CNOT2: variants seen among roughly 807,000 people sequenced by gnomAD.
CNOT2 encodes the protein CCR4-NOT transcription complex subunit 2, also known as CC chemokine receptor 4-negative regulator of transcription 2.
In CNOT2, 7 loss-of-function variants were observed where a neutral mutation model predicts 72.1. The ratio of observed to expected loss-of-function variants is 0.10; its 90% CI spans 0.06 to 0.18. The LOEUF (loss-of-function observed/expected upper bound fraction) is 0.18, where lower values mean the gene tolerates loss of function less well. Ranked by LOEUF, CNOT2 falls within the 10% of genes least tolerant of loss-of-function variation. The pLI is 1.00. For missense variants in CNOT2, 345 were observed against 660.3 expected, an observed-to-expected ratio of 0.52 and a Z score of 5.23; for synonymous variants, 196 against 225.6, an observed-to-expected ratio of 0.87 and a Z score of 1.17.
intron 2 of CNOT2, among the ~76,000 whole-genome samples, chr12:70,300,829 A>G (rs1873804873): frequency 1.3e-5 from 2 of 152,038 alleles, no homozygotes; most frequent in Non-Finnish European, 2.9e-5. Flanking sequence ...CATTTTCACG[A>G]TATTGATTCT....
chr12:70,295,950 A>G (rs1296065764), intron 2 of CNOT2, among the ~76,000 whole-genome samples: 2 of 152,194 alleles, frequency 1.3e-5, no homozygotes, highest in Non-Finnish European at 2.9e-5. Flanking sequence ...CCTAGATCAG[A>G]GTCAAACTTG....
At chr12:70,279,036 A>T (rs936970876) in intron 2 of CNOT2, among the ~76,000 whole-genome samples, 2 of 152,226 alleles carry the variant, frequency 1.3e-5, no homozygotes, top group South Asian at 2.1e-4. Flanking sequence ...CAGAATACAG[A>T]ATACTTTAAA....
intron 4 of CNOT2, among the ~76,000 whole-genome samples, chr12:70,328,248 A>G (rs2136016484): frequency 6.6e-6 from 1 of 152,096 alleles, no homozygotes. Context: ...GATAACGATC[A>G]GTGAGATACT....
chr12:70,268,181 T>G (rs1348076363), intron 1 of CNOT2, among the ~76,000 whole-genome samples: 5 of 152,248 alleles, frequency 3.3e-5, no homozygotes, highest in African/African-American at 4.8e-5. Flanking sequence ...GTTTCTTTCA[T>G]CCGAAAGTGT....
chr12:70,342,049 TA>T, intron 11 of CNOT2, 57 bp from the exon 12 acceptor site: 1 of 1,072,622 alleles, frequency 9.3e-7, no homozygotes, highest in Non-Finnish European at 1.5e-6. Flanking sequence ...TTTCCTGAAA[TA>T]AAATTAGAAA....
intron 1 of CNOT2, among the ~76,000 whole-genome samples, chr12:70,255,066 G>C (rs1210538038): frequency 6.6e-6 from 1 of 151,980 alleles, no homozygotes. Context: ...GATTGTGGGA[G>C]TGGTAAAAAA....
At chr12:70,294,932 A>G (rs17814133) in intron 2 of CNOT2, among the ~76,000 whole-genome samples, 10,381 of 152,138 alleles carry the variant, frequency 0.068, 513 homozygotes, top group Admixed American at 0.15. Context: ...AACTCATCAG[A>G]TCCTGTGTCG....
intron 3 of CNOT2, among the ~76,000 whole-genome samples, chr12:70,317,915 T>G (rs1241591658): frequency 6.6e-6 from 1 of 151,996 alleles, no homozygotes; most frequent in Non-Finnish European, 1.5e-5. Context: ...GTTTCACTTC[T>G]TGGTTTTTCT....
At chr12:70,272,597 C>G (rs1340533654) in intron 1 of CNOT2, among the ~76,000 whole-genome samples, 2 of 152,126 alleles carry the variant, frequency 1.3e-5, no homozygotes, top group Admixed American at 6.5e-5. Flanking sequence ...TGTTGCTTCT[C>G]TCATGCTTCT....
At chr12:70,269,756 G>T (rs950597356) in intron 1 of CNOT2, among the ~76,000 whole-genome samples, 8 of 152,098 alleles carry the variant, frequency 5.3e-5, no homozygotes, top group African/African-American at 1.9e-4. Flanking sequence ...TTAGAGGTTT[G>T]TAAAATTAAA....
chr12:70,286,005 T>G (rs1175112371), intron 2 of CNOT2, among the ~76,000 whole-genome samples: 2 of 151,682 alleles, frequency 1.3e-5, no homozygotes, highest in African/African-American at 4.8e-5. Flanking sequence ...GGAGAGGAAT[T>G]AAAATTGAGC....
At chr12:70,303,890 C>A (rs759067371) in intron 2 of CNOT2, among the ~76,000 whole-genome samples, 1 of 152,170 alleles carries the variant, frequency 6.6e-6, no homozygotes, top group Non-Finnish European at 1.5e-5. Flanking sequence ...TCCCATATTT[C>A]TTGGAGACTT....
chr12:70,317,270 T>C (rs747704534), intron 3 of CNOT2, among the ~76,000 whole-genome samples: 32 of 152,120 alleles, frequency 2.1e-4, no homozygotes, highest in Non-Finnish European at 4.6e-4. Flanking sequence ...TTTTTTAATT[T>C]TACTTTTAAG....
intron 1 of CNOT2, among the ~76,000 whole-genome samples, chr12:70,244,719 C>T (rs985505436): frequency 6.6e-6 from 1 of 152,158 alleles, no homozygotes; most frequent in Non-Finnish European, 1.5e-5. Flanking sequence ...ATCGTTTGGG[C>T]AATTCCTCAT....
chr12:70,299,241 A>T (rs2135903574), intron 2 of CNOT2, among the ~76,000 whole-genome samples: 1 of 152,008 alleles, frequency 6.6e-6, no homozygotes, highest in African/African-American at 2.4e-5. Flanking sequence ...TTATTATTAT[A>T]CTTTAAGTTT....
chr12:70,326,887 T>A (rs1236092138), intron 4 of CNOT2, among the ~76,000 whole-genome samples: 2 of 151,868 alleles, frequency 1.3e-5, no homozygotes, highest in Non-Finnish European at 2.9e-5. Flanking sequence ...AGTAAGTTAC[T>A]TTATTCCATA....
In CNOT2 at chr12:70,319,420, T is replaced by C. The variant is rs1461201955; in HGVS notation, c.238+56T>C. ...TTATTTAAAGAGAAAAATAAGTAAC[T>C]ACCAAATAAAGAACAACCAGTACTT... is the stretch of plus-strand genomic sequence containing the variant. On this transcript the variant is annotated intron_variant, in intron 4 of 15. Coordinates refer to ENST00000229195, the MANE Select transcript of CNOT2 (RefSeq NM_014515.7). 2.0e-6 allele frequency: 3 copies of C among 1,515,066 alleles called. No homozygotes were observed. In the Admixed American group the frequency reaches 5.1e-5, roughly 26 times the overall value. The allele number at this position is 1,515,066 out of a possible 1,614,324, so 93.9% of individuals were successfully genotyped here.
At chr12:70,339,089 T>TAC (rs539162323) in intron 11 of CNOT2, among the ~76,000 whole-genome samples, 236 of 132,632 alleles carry the variant, frequency 1.8e-3, no homozygotes, top group Middle Eastern at 3.8e-3. Flanking sequence ...TATATATATA[T>TAC]ATACACACAC....
At chr12:70,306,205 T>A (rs1593189189) in intron 2 of CNOT2, among the ~76,000 whole-genome samples, 1 of 152,162 alleles carries the variant, frequency 6.6e-6, no homozygotes, top group South Asian at 2.1e-4. Flanking sequence ...CAGGCTAGAG[T>A]GCAGTGGCAT....
Sources: allele counts gnomAD v4.1 joint callset (sites outside exome capture counted in the v4.1 genomes callset), GRCh38; gene constraint gnomAD v4.1.1; transcripts MANE v1.5; gene names NCBI Gene and HGNC (gene_info 2026-07-23, HGNC 2026-07-21).